The following ESRRG variants were observed in gnomAD, a reference collection of about 807,000 sequenced individuals.
ESRRG encodes the protein estrogen related receptor gamma.
In ESRRG, 13 loss-of-function variants were observed where a neutral mutation model predicts 44.0. That is an observed-to-expected ratio of 0.30 (90% CI 0.19 to 0.47). The LOEUF is 0.47. ESRRG is among the 20% of genes least tolerant of loss of function. The pLI, the probability that ESRRG is intolerant of heterozygous loss-of-function variation, is 1.00. For missense variants in ESRRG, 395 were observed against 580.6 expected (o/e 0.68, Z 3.29); for synonymous variants, 215 against 214.6 (o/e 1.00, Z -0.02).
At chr1:216,664,873 T>C (rs2073508442) in intron 2 of ESRRG, among the ~76,000 whole-genome samples, 1 of 152,106 alleles carries the variant, frequency 6.6e-6, no homozygotes, top group African/African-American at 2.4e-5. Context: ...TCTTGGTGTA[T>C]GCATACATCC....
rs1283605203 is a variant in ESRRG at position 216,821,695 on chromosome 1, AAT to A, written c.-14+117885_-14+117886del. 5.2e-5 allele frequency among the ~76,000 whole-genome samples: 5 copies of A among 95,806 alleles called. No individual in the cohort carries two copies. In the South Asian group the frequency reaches 1.1e-3, roughly 22 times the overall value. 62.9% of individuals were successfully genotyped at this position (95,806 alleles called of 152,430 possible). On this transcript the variant is annotated intron_variant, in intron 2 of 7. Coordinates refer to the ESRRG transcript ENST00000359162. ...ACAAGAACCTGCCTCAGGAAAAATA[AAT>A]AAATAAATAAATAAATAAATAAATA...
intron 2 of ESRRG, among the ~76,000 whole-genome samples, chr1:216,651,852 A>G (rs1407858223): frequency 6.6e-6 from 1 of 152,198 alleles, no homozygotes; most frequent in Non-Finnish European, 1.5e-5. Flanking sequence ...TTATGGTAGT[A>G]CCTACATATT....
At chr1:216,894,924 T>G (rs552945228) in intron 2 of ESRRG, among the ~76,000 whole-genome samples, 2 of 152,198 alleles carry the variant, frequency 1.3e-5, no homozygotes, top group African/African-American at 4.8e-5. Context: ...TAAAAAGATT[T>G]AAACTTGCTA....
At chr1:216,637,113 G>A (rs375396313) in intron 3 of ESRRG, among the ~76,000 whole-genome samples, 1 of 152,246 alleles carries the variant, frequency 6.6e-6, no homozygotes, top group African/African-American at 2.4e-5. Flanking sequence ...AACGGAAAAT[G>A]AAATAATCAG....
At chr1:216,848,249 G>A (rs2095789793) in intron 2 of ESRRG, among the ~76,000 whole-genome samples, 1 of 152,088 alleles carries the variant, frequency 6.6e-6, no homozygotes, top group South Asian at 2.1e-4. Flanking sequence ...TATGCTTCTG[G>A]GGTGGGAATG....
chr1:217,121,157 T>C (rs1035639171), intron 1 of ESRRG, among the ~76,000 whole-genome samples: 5 of 151,268 alleles, frequency 3.3e-5, no homozygotes, highest in African/African-American at 1.2e-4. Context: ...CACACTCATT[T>C]ATCAGGCAGA....
At chr1:216,880,652 C>T (rs991782521) in intron 2 of ESRRG, among the ~76,000 whole-genome samples, 1 of 152,032 alleles carries the variant, frequency 6.6e-6, no homozygotes, top group Admixed American at 6.6e-5. Flanking sequence ...ATTTATAACA[C>T]CAACATCAGT....
chr1:217,130,680 A>G (rs1169666244), intron 1 of ESRRG, among the ~76,000 whole-genome samples: 1 of 152,248 alleles, frequency 6.6e-6, no homozygotes, highest in South Asian at 2.1e-4. Flanking sequence ...ATTAAAAATA[A>G]TTGAATATTA....
intron 3 of ESRRG, among the ~76,000 whole-genome samples, chr1:216,585,054 T>C (rs188573018): frequency 3.3e-5 from 5 of 152,362 alleles, no homozygotes; most frequent in Admixed American, 3.3e-4. Flanking sequence ...TTCATTCATC[T>C]ATCAATACGT....
intron 2 of ESRRG, among the ~76,000 whole-genome samples, chr1:216,780,045 A>G (rs1269726741): frequency 6.6e-6 from 1 of 151,938 alleles, no homozygotes; most frequent in Non-Finnish European, 1.5e-5. Flanking sequence ...AATTTTTTAA[A>G]GGCCATGTGC....
intron 2 of ESRRG, among the ~76,000 whole-genome samples, chr1:216,911,242 A>C (rs561482930): frequency 1.2e-3 from 181 of 152,296 alleles, no homozygotes; most frequent in Non-Finnish European, 2.0e-3. Context: ...TCAGTAAGTG[A>C]AAGGATAAAT....
chr1:216,928,901 T>C (rs1560147746), intron 2 of ESRRG, among the ~76,000 whole-genome samples: 1 of 151,728 alleles, frequency 6.6e-6, no homozygotes, highest in African/African-American at 2.4e-5. Flanking sequence ...GCACCCAGAG[T>C]AGTCAAATTC....
chr1:217,125,061 CT>C (rs1377612944), intron 1 of ESRRG, among the ~76,000 whole-genome samples: 1 of 152,186 alleles, frequency 6.6e-6, no homozygotes, highest in African/African-American at 2.4e-5. Flanking sequence ...TCCAGGGCCT[CT>C]GAAGACAGCT....
chr1:216,564,306 C>T lies in ESRRG; in HGVS notation c.775G>A (p.Asp259Asn), dbSNP rs200261491. Residue 259 changes from aspartate (D) to asparagine (N), a missense_variant, in exon 5 of 7, where the codon GAC (aspartate) becomes AAC (asparagine). Asp to Asn is a conservative substitution (Grantham distance 23). Coordinates refer to ENST00000408911, the MANE Select transcript of ESRRG (RefSeq NM_001438.4). ...IYAMPDPTVPDSDIKALTTLC... is the reference protein window; with the variant it reads ...IYAMPDPTVPNSDIKALTTLC... ...GTAGTGAGGGCTTTGATGTCACTGT[C>T]GGGGACAGTAGGGTCAGGCATGGCA... 3.0e-5 allele frequency: 48 copies of T among 1,611,676 alleles called. No homozygotes were observed. Among genetic ancestry groups the T allele is most frequent in the East Asian group, 1.8e-4 (8 of 44,730 alleles).
chr1:216,977,248 T>C (rs1037074479), intron 1 of ESRRG, among the ~76,000 whole-genome samples: 1 of 151,716 alleles, frequency 6.6e-6, no homozygotes. Flanking sequence ...GTCAAGCTCT[T>C]AAGAGTCAAG....
intron 2 of ESRRG, chr1:216,864,199 T>G (rs1320570279): frequency 6.6e-6 from 1 of 152,162 alleles, no homozygotes; most frequent in African/African-American, 2.4e-5. Flanking sequence ...GCACCAATCT[T>G]TAACCCAGAT....
intron 4 of ESRRG, among the ~76,000 whole-genome samples, chr1:216,567,603 C>A (rs900230076): frequency 2.8e-4 from 43 of 152,154 alleles, no homozygotes; most frequent in Non-Finnish European, 5.6e-4. Flanking sequence ...AAATCACTTT[C>A]TTGTGAAATC....
intron 2 of ESRRG, among the ~76,000 whole-genome samples, chr1:216,918,752 T>G (rs2061483212): frequency 6.6e-6 from 1 of 151,008 alleles, no homozygotes; most frequent in African/African-American, 2.4e-5. Flanking sequence ...ATAAAAAAAT[T>G]TATAAAAGTC....
chr1:217,001,376 C>A (rs183277999), intron 1 of ESRRG, among the ~76,000 whole-genome samples: 2 of 152,172 alleles, frequency 1.3e-5, no homozygotes, highest in Non-Finnish European at 2.9e-5. Flanking sequence ...GTGGATGATA[C>A]CAAACTGCCT....
Sources: allele counts gnomAD v4.1 joint callset (sites outside exome capture counted in the v4.1 genomes callset), GRCh38; gene constraint gnomAD v4.1.1; transcripts MANE v1.5; gene names NCBI Gene and HGNC (gene_info 2026-07-23, HGNC 2026-07-21).